Variants in ZPBP observed in about 807,000 individuals in gnomAD.
The protein encoded by ZPBP is zona pellucida binding protein.
ZPBP carries 26 observed loss-of-function variants against 44.8 expected under a neutral mutation model. The ratio of observed to expected loss-of-function variants is 0.58; its 90% CI spans 0.43 to 0.81. The LOEUF (loss-of-function observed/expected upper bound fraction) is 0.81, where lower values mean the gene tolerates loss of function less well. Among genes scored for constraint, ZPBP ranks in the 30% least tolerant of loss-of-function variants. The pLI is 0.00. For missense variants in ZPBP, 409 were observed against 434.0 expected (o/e 0.94, Z 0.51); for synonymous variants, 174 against 153.2 (o/e 1.14, Z -1.00).
chr7:50,080,380 G>A (rs1802297858), intron 3 of ZPBP, among the ~76,000 whole-genome samples: 2 of 151,554 alleles, frequency 1.3e-5, no homozygotes, highest in South Asian at 4.2e-4. Flanking sequence ...TCTTTACCTG[G>A]AAATAACTAC....
intron 6 of ZPBP, among the ~76,000 whole-genome samples, chr7:50,004,061 CTT>C (rs1343089023): frequency 6.6e-6 from 1 of 152,038 alleles, no homozygotes; most frequent in Non-Finnish European, 1.5e-5. Context: ...CGGTGAAGCA[CTT>C]TTCTGGGTGT....
At chr7:50,041,610 C>A (rs1800099140) in intron 4 of ZPBP, among the ~76,000 whole-genome samples, 1 of 152,120 alleles carries the variant, frequency 6.6e-6, no homozygotes, top group Admixed American at 6.5e-5. Flanking sequence ...GTAGCATCGA[C>A]ATCAACAAAA....
chr7:49,850,711 A>G (rs1790142329), intron 2 of ZPBP, among the ~76,000 whole-genome samples: 1 of 152,220 alleles, frequency 6.6e-6, no homozygotes, highest in South Asian at 2.1e-4. Context: ...GTGTTCATGT[A>G]TTGGTCTCCA....
At chr7:49,904,601 T>C (rs1792977909) in intron 1 of ZPBP, among the ~76,000 whole-genome samples, 2 of 152,192 alleles carry the variant, frequency 1.3e-5, no homozygotes, top group South Asian at 4.1e-4. Context: ...CAAATTTACA[T>C]TTTAGTTAAA....
chr7:49,975,824 G>A (rs1263482149), intron 7 of ZPBP, among the ~76,000 whole-genome samples: 1 of 152,176 alleles, frequency 6.6e-6, no homozygotes, highest in Non-Finnish European at 1.5e-5. Flanking sequence ...AGGCAGTAGA[G>A]ATGGGACTCT....
At chr7:49,979,273 T>A (rs547599771) in intron 7 of ZPBP, among the ~76,000 whole-genome samples, 162 of 152,008 alleles carry the variant, frequency 1.1e-3, no homozygotes, top group African/African-American at 3.9e-3. Context: ...TCAATTTTCT[T>A]TATATAATCT....
intron 3 of ZPBP, among the ~76,000 whole-genome samples, chr7:50,076,699 G>T (rs1454263667): frequency 4.0e-5 from 6 of 151,328 alleles, no homozygotes; most frequent in African/African-American, 1.5e-4. Context: ...AAAAGTGAAA[G>T]ATCTCTATAA....
At chr7:49,849,080 A>G (rs750101411), downstream of ZPBP, among the ~76,000 whole-genome samples, 2 of 152,102 alleles carry the variant, frequency 1.3e-5, no homozygotes, top group African/African-American at 4.8e-5. Flanking sequence ...CTTCCCTCGC[A>G]TTTCTTGTCC....
At chr7:49,849,570 A>G (rs1414853754), downstream of ZPBP, among the ~76,000 whole-genome samples, 1 of 152,174 alleles carries the variant, frequency 6.6e-6, no homozygotes, top group Non-Finnish European at 1.5e-5. Context: ...ACACACACAC[A>G]CGCTGCCTCT....
intron 7 of ZPBP, among the ~76,000 whole-genome samples, chr7:49,959,524 CAT>C (rs1253944735): frequency 1.3e-5 from 2 of 151,902 alleles, no homozygotes; most frequent in Non-Finnish European, 2.9e-5. Context: ...GAAAATAAAA[CAT>C]AACATTCTTA....
At chr7:49,856,040 A>G (rs1207066148) in intron 2 of ZPBP, among the ~76,000 whole-genome samples, 1 of 152,202 alleles carries the variant, frequency 6.6e-6, no homozygotes, top group African/African-American at 2.4e-5. Context: ...GTTCAGGTAT[A>G]TAAGGCTGCC....
chr7:50,005,586 A>G (rs1798270216), intron 6 of ZPBP, among the ~76,000 whole-genome samples: 1 of 151,964 alleles, frequency 6.6e-6, no homozygotes, highest in Non-Finnish European at 1.5e-5. Context: ...AAGATGTTCT[A>G]TCTAATGCCC....
chr7:50,027,857 C>T (rs1253402218), intron 5 of ZPBP, among the ~76,000 whole-genome samples: 1 of 151,878 alleles, frequency 6.6e-6, no homozygotes, highest in Non-Finnish European at 1.5e-5. Flanking sequence ...CCAAAACTGA[C>T]TCAAGAATAA....
intron 3 of ZPBP, among the ~76,000 whole-genome samples, chr7:50,059,714 G>C (rs1460218560): frequency 6.6e-6 from 1 of 152,034 alleles, no homozygotes; most frequent in East Asian, 1.9e-4. Context: ...CCACACTAGA[G>C]AAAGCAATTA....
At chr7:49,888,997 G>A (rs1792019529) in intron 2 of ZPBP, among the ~76,000 whole-genome samples, 1 of 152,192 alleles carries the variant, frequency 6.6e-6, no homozygotes. Context: ...ATGACCCATT[G>A]GGCTGACGCA....
rs570121463 is a variant in ZPBP at position 49,992,528 on chromosome 7, C to A, written c.784-9009G>T. 2.0e-5 allele frequency among the ~76,000 whole-genome samples: 3 copies of A among 151,922 alleles called. 1 individual carries two copies. The highest frequency in any genetic ancestry group is 4.2e-4 in the South Asian group (2 of 4,814). ...CACAATAATGAAACACAATGAATATCTGAAGATAATATTCAACATGAAAAA... is the reference window on the plus strand; with the variant it reads ...CACAATAATGAAACACAATGAATATATGAAGATAATATTCAACATGAAAAA... On this transcript the variant is annotated intron_variant, in intron 6 of 7. Coordinates refer to ENST00000046087, the MANE Select transcript of ZPBP (RefSeq NM_007009.3).
intron 1 of ZPBP, among the ~76,000 whole-genome samples, chr7:49,906,495 C>T (rs1030775256): frequency 2.0e-5 from 3 of 152,006 alleles, no homozygotes; most frequent in Non-Finnish European, 4.4e-5. Context: ...GCCACCACAC[C>T]CAGCTAATTT....
downstream of ZPBP, among the ~76,000 whole-genome samples, chr7:49,847,156 G>C (rs1289743241): frequency 6.6e-6 from 1 of 151,524 alleles, no homozygotes; most frequent in African/African-American, 2.4e-5. Flanking sequence ...GTCACTGCCA[G>C]GATATAAGAA....
downstream of ZPBP, among the ~76,000 whole-genome samples, chr7:49,933,603 G>A (rs921731552): frequency 6.6e-6 from 1 of 152,090 alleles, no homozygotes; most frequent in Non-Finnish European, 1.5e-5. Context: ...ACATGCAAAC[G>A]TATGTTTATT....
Sources: gnomAD v4.1 joint callset for allele counts (sites outside exome capture counted in the v4.1 genomes callset) on GRCh38, gnomAD v4.1.1 for gene constraint, MANE v1.5 for transcripts, NCBI Gene and HGNC (gene_info 2026-07-23, HGNC 2026-07-21) for gene names.